THSD4: variants seen among roughly 807,000 people sequenced by gnomAD.
THSD4 encodes the protein thrombospondin type 1 domain containing 4.
THSD4 carries 69 observed loss-of-function variants against 119.0 expected under a neutral mutation model. That is an observed-to-expected ratio of 0.58 (90% confidence interval 0.48 to 0.71). The LOEUF is 0.71. THSD4 is among the 30% of genes least tolerant of loss of function. The pLI, the probability that THSD4 is intolerant of heterozygous loss-of-function variation, is 0.00. For synonymous variants in THSD4, 524 were observed against 540.4 expected (o/e 0.97, Z 0.42); for missense variants, 1,393 against 1,391.1 (o/e 1.00, Z -0.02).
chr15:71,187,677 G>A (rs185549059), intron 3 of THSD4: 64 of 152,526 alleles, frequency 4.2e-4, no homozygotes, highest in African/African-American at 1.5e-3. Context: ...TCTCATGCAA[G>A]GCTTGTTTCT....
At chr15:71,676,192 A>G (rs1217101258) in intron 8 of THSD4, among the ~76,000 whole-genome samples, 1 of 152,234 alleles carries the variant, frequency 6.6e-6, no homozygotes, top group Non-Finnish European at 1.5e-5. Flanking sequence ...TTGTGGTAAA[A>G]TATATATAAA....
At chr15:71,677,076 A>T (rs144109859) in intron 8 of THSD4, among the ~76,000 whole-genome samples, 1 of 152,210 alleles carries the variant, frequency 6.6e-6, no homozygotes, top group African/African-American at 2.4e-5. Context: ...CAGAGTTTCA[A>T]TGTCTCCACA....
intron 8 of THSD4, among the ~76,000 whole-genome samples, chr15:71,705,037 G>A (rs557850951): frequency 1.3e-5 from 2 of 152,266 alleles, no homozygotes; most frequent in African/African-American, 2.4e-5. Flanking sequence ...GTAGAATGTG[G>A]GCCCAGCCCT....
At chr15:71,535,687 G>A (rs2048680304) in intron 7 of THSD4, among the ~76,000 whole-genome samples, 2 of 151,886 alleles carry the variant, frequency 1.3e-5, no homozygotes, top group African/African-American at 4.8e-5. Flanking sequence ...AATGACTCTT[G>A]ATGTTGAGCA....
chr15:71,757,425 A>T (rs2415119), intron 14 of THSD4, among the ~76,000 whole-genome samples: 42,027 of 120,214 alleles, frequency 0.35, 6,277 homozygotes, highest in East Asian at 0.61. Context: ...ATATATATAT[A>T]TTTTTTTATT....
chr15:71,647,158 G>A (rs1185465062), intron 7 of THSD4, among the ~76,000 whole-genome samples: 4 of 152,142 alleles, frequency 2.6e-5, no homozygotes, highest in Non-Finnish European at 2.9e-5. Context: ...GTGAAGGATC[G>A]GTGTTTTTCC....
intron 6 of THSD4, among the ~76,000 whole-genome samples, chr15:71,385,219 G>A (rs62015554): frequency 0.16 from 24,594 of 152,056 alleles, 2,243 homozygotes; most frequent in Admixed American, 0.24. Context: ...TAGACACAAC[G>A]CTGTGGAGTT....
chr15:71,580,919 TACAC>T (rs149845297), intron 7 of THSD4, among the ~76,000 whole-genome samples: 2 of 151,688 alleles, frequency 1.3e-5, no homozygotes, highest in Non-Finnish European at 2.9e-5. Context: ...GTTATATATA[TACAC>T]ACACACACAC....
intron 3 of THSD4, among the ~76,000 whole-genome samples, chr15:71,214,833 C>G (rs948862649): frequency 2.0e-5 from 3 of 152,138 alleles, no homozygotes; most frequent in South Asian, 2.1e-4. Context: ...TTATGACTTT[C>G]GCGGGGCCTA....
chr15:71,628,597 T>C (rs571289730), intron 7 of THSD4, among the ~76,000 whole-genome samples: 6 of 152,292 alleles, frequency 3.9e-5, no homozygotes, highest in African/African-American at 1.4e-4. Flanking sequence ...AGGTTTAGGG[T>C]GAAGCCTGAG....
chr15:71,217,979 G>C (rs1214623653), intron 4 of THSD4, among the ~76,000 whole-genome samples: 1 of 151,798 alleles, frequency 6.6e-6, no homozygotes, highest in Non-Finnish European at 1.5e-5. Flanking sequence ...TGGAGATGAG[G>C]TTTCACCTTG....
chr15:71,456,138 C>T (rs2047336486), intron 7 of THSD4, among the ~76,000 whole-genome samples: 1 of 152,174 alleles, frequency 6.6e-6, no homozygotes, highest in African/African-American at 2.4e-5. Flanking sequence ...CCTCTCTTTT[C>T]CTCTTGTGGT....
intron 7 of THSD4, among the ~76,000 whole-genome samples, chr15:71,484,958 C>T (rs575681367): frequency 6.6e-6 from 1 of 152,276 alleles, no homozygotes; most frequent in African/African-American, 2.4e-5. Flanking sequence ...TCTCTTCTAC[C>T]CCTGACTATT....
intron 7 of THSD4, among the ~76,000 whole-genome samples, chr15:71,524,215 AGACCCCT>A (rs1364077664): frequency 1.3e-5 from 2 of 152,240 alleles, no homozygotes; most frequent in African/African-American, 4.8e-5. Flanking sequence ...CTTGTTTCCA[AGACCCCT>A]GCCAGCCTTA....
At chr15:71,262,619 G>A (rs934084768) in intron 6 of THSD4, among the ~76,000 whole-genome samples, 4 of 128,030 alleles carry the variant, frequency 3.1e-5, no homozygotes, top group Admixed American at 1.7e-4. Context: ...GGTAGCTTGA[G>A]TGCACTGTGT....
intron 7 of THSD4, among the ~76,000 whole-genome samples, chr15:71,434,715 A>G: frequency 6.6e-6 from 1 of 152,116 alleles, no homozygotes; most frequent in East Asian, 1.9e-4. Flanking sequence ...GGAGAAGCTT[A>G]AAAAAAGTGC....
intron 7 of THSD4, among the ~76,000 whole-genome samples, chr15:71,542,775 G>A (rs921494970): frequency 3.3e-5 from 5 of 151,908 alleles, no homozygotes; most frequent in South Asian, 2.1e-4. Flanking sequence ...TACTCGGGAC[G>A]CTGAGGCAGG....
chr15:71,111,308 T>C, upstream of THSD4: 1 of 1,613,968 alleles, frequency 6.2e-7, no homozygotes, highest in East Asian at 2.2e-5. Flanking sequence ...TTTGCTCATG[T>C]CCTCAGAGCT....
chr15:71,642,850 A>G (rs2050889672), intron 7 of THSD4, among the ~76,000 whole-genome samples: 1 of 152,168 alleles, frequency 6.6e-6, no homozygotes, highest in Non-Finnish European at 1.5e-5. Context: ...ACCTAATGCT[A>G]AATGACGAGT....
Sources: gnomAD v4.1 joint callset for allele counts (sites outside exome capture counted in the v4.1 genomes callset) on GRCh38, gnomAD v4.1.1 for gene constraint, MANE v1.5 for transcripts, NCBI Gene and HGNC (gene_info 2026-07-23, HGNC 2026-07-21) for gene names.